The following LGR4 variants were observed in gnomAD, a reference collection of about 807,000 sequenced individuals.
The protein encoded by LGR4 is leucine-rich repeat-containing G protein-coupled receptor 4.
A neutral mutation model predicts 84.8 loss-of-function variants in LGR4; 44 were observed. That is an observed-to-expected ratio of 0.52 (90% CI 0.41 to 0.67). The LOEUF (loss-of-function observed/expected upper bound fraction) is 0.67, where lower values mean the gene tolerates loss of function less well. Among genes scored for constraint, LGR4 ranks in the 30% least tolerant of loss-of-function variants. LGR4 has a pLI of 0.00. For synonymous variants in LGR4, 429 were observed against 434.3 expected (o/e 0.99, Z 0.15); for missense variants, 1,032 against 1,131.4 (o/e 0.91, Z 1.26).
intron 1 of LGR4, among the ~76,000 whole-genome samples, chr11:27,433,253 T>A (rs887739832): frequency 2.0e-5 from 3 of 152,134 alleles, no homozygotes; most frequent in Non-Finnish European, 4.4e-5. Context: ...CGCTCTGTCA[T>A]CCAGGCTGGA....
At chr11:27,463,586 G>A (rs1358953004) in intron 1 of LGR4, among the ~76,000 whole-genome samples, 1 of 152,054 alleles carries the variant, frequency 6.6e-6, no homozygotes, top group African/African-American at 2.4e-5. Context: ...AGGAGTTCGA[G>A]AGCAGCCTGG....
intron 7 of LGR4, among the ~76,000 whole-genome samples, chr11:27,381,912 C>G (rs982910951): frequency 1.3e-5 from 2 of 152,198 alleles, no homozygotes; most frequent in Non-Finnish European, 2.9e-5. Context: ...TTAACATGAT[C>G]AGTTTCCCCA....
At chr11:27,441,881 C>A (rs1328989052) in intron 1 of LGR4, among the ~76,000 whole-genome samples, 2 of 152,126 alleles carry the variant, frequency 1.3e-5, no homozygotes, top group Non-Finnish European at 2.9e-5. Context: ...GAACTTGGCA[C>A]CCAATCCTCC....
intron 2 of LGR4, among the ~76,000 whole-genome samples, chr11:27,405,549 C>T (rs1863589699): frequency 6.6e-6 from 1 of 152,178 alleles, no homozygotes; most frequent in Non-Finnish European, 1.5e-5. Flanking sequence ...TGCCTCCACC[C>T]ATATCCCACC....
chr11:27,465,337 G>A (rs1431833557), intron 1 of LGR4, among the ~76,000 whole-genome samples: 1 of 152,126 alleles, frequency 6.6e-6, no homozygotes, highest in Non-Finnish European at 1.5e-5. Context: ...GATGCATAAC[G>A]CCAAATCTTG....
rs191931476 is a variant in LGR4 at position 27,376,238 on chromosome 11, A to G, written c.1181+61T>C. 917 of 934,496 alleles carry G rather than the reference A, an allele frequency of 9.8e-4. 1 individual carries two copies. The highest frequency in any genetic ancestry group is 1.4e-3 in the Non-Finnish European group (840 of 588,374). 57.9% of individuals were successfully genotyped at this position (934,496 alleles called of 1,614,324 possible). On this transcript the variant is annotated intron_variant, in intron 13 of 17. Coordinates refer to ENST00000379214, the MANE Select transcript of LGR4 (RefSeq NM_018490.5). ...TATATCTAGTAACATGGAAATCATA[A>G]CAACATATTAACATAGTTTGGAAAA...
At chr11:27,369,866 T>A (rs1001312295) in intron 17 of LGR4, among the ~76,000 whole-genome samples, 1 of 152,178 alleles carries the variant, frequency 6.6e-6, no homozygotes, top group Non-Finnish European at 1.5e-5. Context: ...AACTGATATT[T>A]CAAAGAAACT....
At chr11:27,391,695 G>C (rs1219952080) in intron 3 of LGR4, among the ~76,000 whole-genome samples, 2 of 149,128 alleles carry the variant, frequency 1.3e-5, no homozygotes, top group East Asian at 4.0e-4. Flanking sequence ...AAGAGAAATA[G>C]AGCTTTGATC....
chr11:27,452,869 C>T (rs910733091), intron 1 of LGR4, among the ~76,000 whole-genome samples: 5 of 151,450 alleles, frequency 3.3e-5, no homozygotes, highest in East Asian at 1.9e-4. Context: ...GCCTTAATAC[C>T]GTTGAAAACT....
Position 27,472,597 on chromosome 11 carries a change from C to A in LGR4, c.-295G>T. The A allele has an allele frequency of 8.1e-6, 3 of 372,358 alleles. No homozygotes were observed. The highest frequency in any genetic ancestry group is 7.0e-4 in the Middle Eastern group (1 of 1,438). 23.1% of individuals were successfully genotyped at this position (372,358 alleles called of 1,614,324 possible). A position where few individuals can be genotyped will look rare whatever the true frequency, so the allele number is the denominator to read the frequency against. ...AGCGGCGGGGGCCGCGCTCTGCCAT[C>A]GCACCGGTCTCCCTGTCCCTGGCCT... On this transcript the variant is annotated 5_prime_UTR_variant, in exon 1 of 18. Transcript: ENST00000379214.
chr11:27,445,316 C>T (rs1864371407), intron 1 of LGR4, among the ~76,000 whole-genome samples: 1 of 152,142 alleles, frequency 6.6e-6, no homozygotes, highest in African/African-American at 2.4e-5. Context: ...GGTTCAAATT[C>T]TGGTTACAGA....
chr11:27,445,186 A>G (rs1162882230), intron 1 of LGR4, among the ~76,000 whole-genome samples: 1 of 151,686 alleles, frequency 6.6e-6, no homozygotes, highest in Non-Finnish European at 1.5e-5. Flanking sequence ...CCTTTAGGGT[A>G]CTCTCATACT....
intron 1 of LGR4, among the ~76,000 whole-genome samples, chr11:27,453,085 T>C (rs1864514451): frequency 6.6e-6 from 1 of 151,882 alleles, no homozygotes; most frequent in Non-Finnish European, 1.5e-5. Context: ...ACCTTTTTTT[T>C]TGAGACAGGG....
intron 4 of LGR4, among the ~76,000 whole-genome samples, chr11:27,390,224 T>G (rs943045304): frequency 6.6e-6 from 1 of 152,150 alleles, no homozygotes; most frequent in African/African-American, 2.4e-5. Context: ...TCACGCTGTA[T>G]TTTCTAACTT....
At chr11:27,392,397 A>C (rs879810597) in intron 3 of LGR4, 50 bp downstream of exon 3, 3 of 1,403,448 alleles carry the variant, frequency 2.1e-6, no homozygotes, top group Non-Finnish European at 2.9e-6. Flanking sequence ...TTGACTACGC[A>C]GAAAGAAAAT....
chr11:27,451,694 T>C (rs1310804854), intron 1 of LGR4, among the ~76,000 whole-genome samples: 1 of 152,190 alleles, frequency 6.6e-6, no homozygotes, highest in Non-Finnish European at 1.5e-5. Context: ...GTGCTTTTAG[T>C]GGGAGGCAAG....
At chr11:27,387,343 A>T (rs144469854) in intron 4 of LGR4, among the ~76,000 whole-genome samples, 206 of 152,186 alleles carry the variant, frequency 1.4e-3, no homozygotes, top group African/African-American at 4.7e-3. Flanking sequence ...TCTAAAAACT[A>T]CCTCTGGAAT....
intron 13 of LGR4, 97 bp downstream of exon 13, chr11:27,376,202 A>G: frequency 4.0e-6 from 3 of 742,046 alleles, no homozygotes; most frequent in Non-Finnish European, 6.8e-6. Flanking sequence ...AATTAAAATT[A>G]TATCTTTAAG....
intron 1 of LGR4, among the ~76,000 whole-genome samples, chr11:27,456,343 G>A (rs537304024): frequency 6.6e-6 from 1 of 152,086 alleles, no homozygotes; most frequent in African/African-American, 2.4e-5. Flanking sequence ...GTCAACTAAA[G>A]AGTACCAACT....
Sources: allele counts gnomAD v4.1 joint callset (sites outside exome capture counted in the v4.1 genomes callset), GRCh38; gene constraint gnomAD v4.1.1; transcripts MANE v1.5; gene names NCBI Gene and HGNC (gene_info 2026-07-23, HGNC 2026-07-21).